The following PCDHGA4 variants were observed in gnomAD, a reference collection of about 807,000 sequenced individuals.
PCDHGA4 encodes the protein protocadherin gamma-A4.
Under a neutral mutation model 54.6 loss-of-function variants are expected in PCDHGA4, and 38 were observed. That is an observed-to-expected ratio of 0.70 (90% CI 0.54 to 0.91). PCDHGA4 has a LOEUF of 0.91. Ranked by LOEUF, PCDHGA4 falls within the 40% of genes least tolerant of loss-of-function variation. The pLI is 0.00. For synonymous variants in PCDHGA4, 511 were observed against 512.9 expected (o/e 1.00, Z 0.05); for missense variants, 1,298 against 1,220.9 (o/e 1.06, Z -0.94).
chr5:141,488,540 A>C (rs901890616), intron 1 of PCDHGA4, among the ~76,000 whole-genome samples: 6 of 152,146 alleles, frequency 3.9e-5, no homozygotes, highest in Admixed American at 2.0e-4. Context: ...GCTAAGTCCC[A>C]TGTCAGCTGA....
intron 1 of PCDHGA4, chr5:141,405,577 T>C (rs1034475748): frequency 1.0e-5 from 6 of 597,580 alleles, no homozygotes; most frequent in Non-Finnish European, 1.8e-5. Context: ...GTAGAGTAGC[T>C]GGGACTACAG....
chr5:141,360,433 C>T, intron 1 of PCDHGA4: 1 of 1,613,984 alleles, frequency 6.2e-7, no homozygotes, highest in Non-Finnish European at 8.5e-7. Context: ...CGGGAAGCAG[C>T]CTCTGTGTGT....
chr5:141,505,089 G>A (rs1562219081), intron 2 of PCDHGA4, among the ~76,000 whole-genome samples: 1 of 152,208 alleles, frequency 6.6e-6, no homozygotes, highest in Non-Finnish European at 1.5e-5. Context: ...TTGAACCCAG[G>A]AGGTGGATGT....
chr5:141,370,565 C>A, intron 1 of PCDHGA4: 4 of 1,613,782 alleles, frequency 2.5e-6, no homozygotes, highest in African/African-American at 1.3e-5. Context: ...TGGGGTTTGG[C>A]GTGGGGGATT....
At chr5:141,438,591 CATATATATATATATATAT>C (rs946798767) in intron 1 of PCDHGA4, among the ~76,000 whole-genome samples, 2 of 75,562 alleles carry the variant, frequency 2.6e-5, no homozygotes, top group Non-Finnish European at 5.4e-5. Context: ...TACATACATA[CATATATATATATATATAT>C]ATATATATAT....
chr5:141,362,463 C>T (rs745712262), intron 1 of PCDHGA4: 13 of 1,613,916 alleles, frequency 8.1e-6, no homozygotes, highest in African/African-American at 1.3e-5. Flanking sequence ...AATTGGTTCC[C>T]GCGCAAGATC....
At chr5:141,433,257 G>C (rs764036349) in intron 1 of PCDHGA4, 3 of 1,385,416 alleles carry the variant, frequency 2.2e-6, no homozygotes, top group Non-Finnish European at 3.0e-6. Flanking sequence ...GCAGCGGTAC[G>C]ATCATAGCTC....
rs191184566 is a variant in PCDHGA4 at position 141,373,694 on chromosome 5, A to G, written c.2514+16073A>G. Among the ~76,000 whole-genome samples the G allele has an allele frequency of 1.4e-4, 21 of 152,388 alleles. No individual in the cohort carries two copies. The Middle Eastern group carries it at 0.014, about 99-fold the overall frequency. ...GAATGGTAAACTTCAGAGAACATTTAAAATTATTCAAAATAATCTCTTACA... is the reference window on the plus strand; with the variant it reads ...GAATGGTAAACTTCAGAGAACATTTGAAATTATTCAAAATAATCTCTTACA... On this transcript the variant is annotated intron_variant, in intron 1 of 3. Transcript: ENST00000571252.
rs1299979776 is a variant in PCDHGA4 at position 141,512,453 on chromosome 5, G to GC, written c.*1282dup. On this transcript the variant is annotated 3_prime_UTR_variant, in exon 4 of 4. Transcript: ENST00000571252. ...TCCTGAAGCCTCAGTCCTTCACCTT[G>GC]CCAGGTGCCGTTTCTCTTCCGTGAA... The GC allele has an allele frequency of 6.5e-6, 1 of 152,880 alleles. No homozygotes were observed. The allele number at this position is 152,880 out of a possible 1,614,324, so 9.5% of individuals were successfully genotyped here.
intron 1 of PCDHGA4, among the ~76,000 whole-genome samples, chr5:141,482,056 G>A (rs1271837619): frequency 1.3e-5 from 2 of 149,012 alleles, no homozygotes; most frequent in Non-Finnish European, 3.0e-5. Context: ...TTGCATTCCA[G>A]CCTGGGCAAC....
intron 1 of PCDHGA4, chr5:141,371,109 C>A (rs781398183): frequency 6.2e-7 from 1 of 1,613,836 alleles, no homozygotes; most frequent in South Asian, 1.1e-5. Context: ...AAATGATAAC[C>A]CCCCAGTATT....
intron 1 of PCDHGA4, chr5:141,419,785 G>A (rs1268841728): frequency 1.2e-6 from 2 of 1,613,934 alleles, no homozygotes; most frequent in Non-Finnish European, 1.7e-6. Flanking sequence ...GCCAGCGCCT[G>A]CTAGTCGCTG....
At chr5:141,364,509 C>T (rs1482984712) in intron 1 of PCDHGA4, 2 of 1,613,942 alleles carry the variant, frequency 1.2e-6, no homozygotes, top group South Asian at 1.1e-5. Flanking sequence ...CAGGAGCTGG[C>T]GGAGCGCGGA....
rs1187424114 is a variant in PCDHGA4, at chr5:141,485,341, G to A, written c.2515-9466G>A. On this transcript the variant is annotated intron_variant, in intron 1 of 3. Transcript: ENST00000571252. The surrounding 1 kb of genome is among the most constrained non-coding windows in gnomAD (Gnocchi z 5.7). ...TCGCTCAAGATTTCCTGCTGGATAC[G>A]GACAGTCTGTCAGCTCGCAGGCTGC... 2 of 1,614,118 alleles carry A rather than the reference G, an allele frequency of 1.2e-6. No individual in the cohort carries two copies. The highest frequency in any genetic ancestry group is 1.7e-5 in the Admixed American group (1 of 60,018).
chr5:141,394,962 A>G (rs971000405), intron 1 of PCDHGA4: 8 of 1,613,710 alleles, frequency 5.0e-6, no homozygotes, highest in Non-Finnish European at 6.8e-6. Context: ...GCTCAGGCTG[A>G]GGCGCTGGCA....
At chr5:141,421,474 G>A (rs1320526226) in intron 1 of PCDHGA4, 2 of 1,614,014 alleles carry the variant, frequency 1.2e-6, no homozygotes, top group Non-Finnish European at 1.7e-6. Flanking sequence ...TCCGCGAAGC[G>A]GCAGCTTGAT....
At chr5:141,464,120 C>G (rs1297254980) in intron 1 of PCDHGA4, among the ~76,000 whole-genome samples, 1 of 151,976 alleles carries the variant, frequency 6.6e-6, no homozygotes, top group African/African-American at 2.4e-5. Flanking sequence ...CAAAAATTAG[C>G]TGGGTGTGGT....
chr5:141,455,928 C>T (rs1160778812), intron 1 of PCDHGA4, among the ~76,000 whole-genome samples: 3 of 151,158 alleles, frequency 2.0e-5, no homozygotes, highest in African/African-American at 4.9e-5. Context: ...GACGGAGTCT[C>T]GCTCTGTCGC....
chr5:141,379,963 G>A (rs1181673658), intron 1 of PCDHGA4, among the ~76,000 whole-genome samples: 1 of 124,340 alleles, frequency 8.0e-6, no homozygotes, highest in African/African-American at 3.0e-5. Context: ...GCAGTGGTGT[G>A]ATCTCTGCTC....
Sources: allele counts gnomAD v4.1 joint callset (sites outside exome capture counted in the v4.1 genomes callset), GRCh38; gene constraint gnomAD v4.1.1; non-coding constraint Gnocchi (gnomAD v3.1); transcripts MANE v1.5; gene names NCBI Gene and HGNC (gene_info 2026-07-23, HGNC 2026-07-21).